The following TMPRSS5 variants were observed in gnomAD, a reference collection of about 807,000 sequenced individuals.
The protein encoded by TMPRSS5 is transmembrane serine protease 5.
TMPRSS5 carries 45 observed loss-of-function variants against 59.7 expected under a neutral mutation model. The ratio of observed to expected loss-of-function variants is 0.75; its 90% CI spans 0.59 to 0.97. The LOEUF (loss-of-function observed/expected upper bound fraction) is 0.97, where lower values mean the gene tolerates loss of function less well. Ranked by LOEUF, TMPRSS5 falls within the 50% of genes least tolerant of loss-of-function variation. The pLI is 0.00. For synonymous variants in TMPRSS5, 225 were observed against 232.0 expected (o/e 0.97, Z 0.27); for missense variants, 585 against 596.7 (o/e 0.98, Z 0.20).
At chr11:113,689,623 T>A (rs1388682132) in intron 12 of TMPRSS5, 142 bp downstream of exon 12, 2 of 815,624 alleles carry the variant, frequency 2.5e-6, no homozygotes, top group Non-Finnish European at 3.6e-6. Context: ...AAGCTTCACT[T>A]CTTCCTCCAC....
In TMPRSS5 at chr11:113,690,304, C is replaced by G; in HGVS notation, c.1133G>C (p.Cys378Ser). Reference protein sequence around the residue: ...LFSTQLCNSSCVYSGALTPRM... With the variant: ...LFSTQLCNSSSVYSGALTPRM... ...GGGGGTGAGGGCTCCGCTGTACACG[C>G]AAGAGCTGTTGCAGAGCTGAGTGCT... The change falls in exon 11 of 13, where the codon TGC becomes TCC. Residue 378 changes from cysteine (C) to serine (S), a missense_variant. Cys to Ser is a moderately radical substitution (Grantham distance 112, BLOSUM62 -1). Coordinates refer to ENST00000299882, the MANE Select transcript of TMPRSS5 (RefSeq NM_030770.4). 1 of 1,595,630 alleles carries G rather than the reference C, an allele frequency of 6.3e-7. No homozygotes were observed. Among genetic ancestry groups the G allele is most frequent in the African/African-American group, 1.3e-5 (1 of 74,570 alleles).
chr11:113,687,966 C>T lies in TMPRSS5; in HGVS notation c.*294G>A. 1 of 362,912 alleles carries T rather than the reference C, an allele frequency of 2.8e-6. No individual in the cohort carries two copies. Among genetic ancestry groups the T allele is most frequent in the Non-Finnish European group, 4.9e-6 (1 of 205,674 alleles). The allele number at this position is 362,912 out of a possible 1,614,324, so 22.5% of individuals were successfully genotyped here. On this transcript the variant is annotated 3_prime_UTR_variant, in exon 13 of 13. Coordinates refer to ENST00000299882, the MANE Select transcript of TMPRSS5 (RefSeq NM_030770.4). ...GCAGCCTCTTCATCTCCAGCTCCTACCTCTCTCCTCCCCCTCATCCCTCAG... is the reference window on the plus strand; with the variant it reads ...GCAGCCTCTTCATCTCCAGCTCCTATCTCTCTCCTCCCCCTCATCCCTCAG...
chr11:113,689,720 G>A lies in TMPRSS5; in HGVS notation c.1359+45C>T. ...GTAAGGTTCCTTGCATTCGAGGGCA[G>A]GTCCTTTAGAAATCTCCCTGCCCTA... On this transcript the variant is annotated intron_variant, in intron 12 of 12. Transcript: ENST00000299882. 3.2e-6 allele frequency: 5 copies of A among 1,580,940 alleles called. No homozygotes were observed. The African/African-American group carries it at 6.7e-5, about 21-fold the overall frequency.
Position 113,691,892 on chromosome 11 carries a change from C to CTTTTTTTTTTTTTTTTTTTTTTTTT in TMPRSS5, c.965-954_965-953insAAAAAAAAAAAAAAAAAAAAAAAAA, listed in dbSNP as rs58784708. ...AGAAAGTTTTCTTTTCCTTTTTTTTCTTTTTTTTTTTTTGAGACGGAGTCT... is the reference window on the plus strand; with the variant it reads ...AGAAAGTTTTCTTTTCCTTTTTTTTCTTTTTTTTTTTTTTTTTTTTTTTTTTTTTTTTTTTTTTGAGACGGAGTCT... On this transcript the variant is annotated intron_variant, in intron 9 of 12. Coordinates refer to ENST00000299882, the MANE Select transcript of TMPRSS5 (RefSeq NM_030770.4). 1.5e-4 allele frequency among the ~76,000 whole-genome samples: 18 copies of CTTTTTTTTTTTTTTTTTTTTTTTTT among 121,110 alleles called. 2 individuals carry two copies. The highest frequency in any genetic ancestry group is 5.0e-4 in the South Asian group (2 of 4,006). The allele number at this position is 121,110 out of a possible 152,430, so 79.5% of individuals were successfully genotyped here. A position where few individuals can be genotyped will look rare whatever the true frequency, so the allele number is the denominator to read the frequency against.
chr11:113,696,049 A>G (rs1231219914), intron 6 of TMPRSS5, among the ~76,000 whole-genome samples: 1 of 152,028 alleles, frequency 6.6e-6, no homozygotes, highest in Non-Finnish European at 1.5e-5. Context: ...TCCCAAATCC[A>G]TAGCCCTCCC....
intron 4 of TMPRSS5, among the ~76,000 whole-genome samples, chr11:113,697,981 A>C (rs1295427420): frequency 2.0e-5 from 3 of 152,196 alleles, no homozygotes; most frequent in African/African-American, 7.2e-5. Context: ...ATTAAGGTTA[A>C]ATGAGGTCAC....
rs200657606 is a variant in TMPRSS5, at chr11:113,690,293, C to T, written c.1144G>A (p.Gly382Arg). ...CAAAGCATGCGGGGGGTGAGGGCTC[C>T]GCTGTACACGCAAGAGCTGTTGCAG... ...QLCNSSCVYS[G>R]ALTPRMLCAG... Residue 382 changes from glycine (G) to arginine (R), a missense_variant, in exon 11 of 13, where the codon GGA becomes AGA. Coordinates refer to ENST00000299882, the MANE Select transcript of TMPRSS5 (RefSeq NM_030770.4). The T allele has an allele frequency of 4.5e-5, 72 of 1,582,748 alleles. No homozygotes were observed. In the East Asian group the frequency reaches 5.1e-4, roughly 11 times the overall value.
At chr11:113,698,779 AC>A in intron 4 of TMPRSS5, 125 bp downstream of exon 4, 5 of 1,128,774 alleles carry the variant, frequency 4.4e-6, no homozygotes, top group Non-Finnish European at 6.4e-6. Flanking sequence ...CTGCCCTCAC[AC>A]TAGAGGAGGG....
intron 4 of TMPRSS5, among the ~76,000 whole-genome samples, chr11:113,697,809 A>T (rs1952972080): frequency 6.6e-6 from 1 of 152,090 alleles, no homozygotes; most frequent in Non-Finnish European, 1.5e-5. Flanking sequence ...CTGATTTCAA[A>T]TCTTGTGATA....
In TMPRSS5 at chr11:113,696,827, C is replaced by G. The variant is rs139812291; in HGVS notation, c.578+31G>C. 8.2e-6 allele frequency: 12 copies of G among 1,467,888 alleles called. No homozygotes were observed. The East Asian group carries it at 2.7e-4, about 33-fold the overall frequency. The allele number at this position is 1,467,888 out of a possible 1,614,324, so 90.9% of individuals were successfully genotyped here. On this transcript the variant is annotated intron_variant, in intron 6 of 12. Transcript: ENST00000299882. ...GATTGACCACCAGGAAGTAAGGGAC[C>G]CCACTCACCTAACAGCCTCAGTAGT... is the stretch of plus-strand genomic sequence containing the variant.
chr11:113,699,272 C>CCT (rs550946661), intron 3 of TMPRSS5, among the ~76,000 whole-genome samples: 2,814 of 23,916 alleles, frequency 0.12, 614 homozygotes, highest in South Asian at 0.22. Flanking sequence ...TCTCTCTCTC[C>CCT]CTCTCTCTCT....
At position 113,693,148 on chromosome 11, in the gene TMPRSS5, G is replaced by A. The variant is rs376812996; in HGVS notation, c.887C>T (p.Pro296Leu). The A allele has an allele frequency of 1.5e-4, 243 of 1,600,072 alleles. 1 individual carries two copies. The highest frequency in any genetic ancestry group is 2.0e-4 in the Non-Finnish European group (234 of 1,173,666). ...HQGALVERII[P>L]HPLYSAQNHD... ...ATTCTGGGCACTGTAGAGGGGGTGT[G>A]GGATAATCCTCTCCACCAGAGCCCC... Residue 296 changes from proline (P) to leucine (L), a missense_variant, in exon 9 of 13, where the codon CCA becomes CTA. Pro to Leu is a moderately conservative substitution (Grantham distance 98). Coordinates refer to ENST00000299882, the MANE Select transcript of TMPRSS5 (RefSeq NM_030770.4).
chr11:113,697,334 C>G lies in TMPRSS5; in HGVS notation c.413G>C (p.Gly138Ala). The G allele has an allele frequency of 6.2e-7, 1 of 1,613,766 alleles. No individual in the cohort carries two copies. The highest frequency in any genetic ancestry group is 8.5e-7 in the Non-Finnish European group (1 of 1,179,664). Residue 138 changes from glycine to alanine, a missense_variant, in exon 5 of 13, where the codon GGC becomes GCC. Gly to Ala is a moderately conservative substitution (Grantham distance 60, BLOSUM62 0). Transcript: ENST00000299882. The part of the protein sequence containing the change: ...QPRWLLVCHE[G>A]WSPALGLQIC... ...CTGCAGCCCCAGGGCGGGGCTCCAG[C>G]CCTCATGGCAGACCAGGAGCCAGCG...
chr11:113,706,145 A>G, intron 1 of TMPRSS5, 77 bp downstream of exon 1: 1 of 1,536,884 alleles, frequency 6.5e-7, no homozygotes, highest in East Asian at 2.4e-5. Flanking sequence ...CCAGCCTAGA[A>G]TCCCAAGGGC....
At chr11:113,692,398 G>T (rs1235303155) in intron 9 of TMPRSS5, among the ~76,000 whole-genome samples, 1 of 152,198 alleles carries the variant, frequency 6.6e-6, no homozygotes, top group Non-Finnish European at 1.5e-5. Flanking sequence ...ACGTACATGT[G>T]AGCATGTGTG....
Position 113,697,399 on chromosome 11 carries a change from G to T in TMPRSS5, c.348C>A (p.Ser116Arg). 1.2e-6 allele frequency: 2 copies of T among 1,613,782 alleles called. No homozygotes were observed. Among genetic ancestry groups the T allele is most frequent in the South Asian group, 1.1e-5 (1 of 91,074 alleles). Residue 116 changes from serine (S) to arginine (R), a missense_variant, in exon 5 of 13, where the codon AGC becomes AGA. Transcript: ENST00000299882. ...LPKTVSFRIN[S>R]EDFLLEAQVR... Reference sequence around the variant, plus strand: ...CTTGCGCTTCCAGCAAGAAGTCTTCGCTGTTTATTCTGAAAGATACTGAAA... The same window carrying T: ...CTTGCGCTTCCAGCAAGAAGTCTTCTCTGTTTATTCTGAAAGATACTGAAA...
intron 1 of TMPRSS5, among the ~76,000 whole-genome samples, chr11:113,702,354 G>A (rs1565267108): frequency 6.6e-6 from 1 of 152,208 alleles, no homozygotes; most frequent in Non-Finnish European, 1.5e-5. Context: ...AGATCACACT[G>A]TCATGAGATC....
At chr11:113,693,486 T>G (rs1952843318) in intron 8 of TMPRSS5, 2 of 385,224 alleles carry the variant, frequency 5.2e-6, no homozygotes, top group South Asian at 1.6e-4. Flanking sequence ...GAGAAGACTA[T>G]GGGTCATCTG....
chr11:113,699,602 C>A lies in TMPRSS5; in HGVS notation c.198G>T (p.Trp66Cys). The change falls in exon 3 of 13, where the codon TGG becomes TGT. Residue 66 changes from tryptophan (W) to cysteine (C), a missense_variant. By Grantham distance (215) the Trp-to-Cys change is radical (BLOSUM62 -2). Coordinates refer to ENST00000299882, the MANE Select transcript of TMPRSS5 (RefSeq NM_030770.4). ...AAGGCCCCCAGCACTGACCTAGGAG[C>A]CATGAGCCAACACCTGCACCGGCCA... ...GLLAGAGVGS[W>C]LLVLYLCPAA... The A allele has an allele frequency of 1.3e-6, 2 of 1,574,990 alleles. No individual in the cohort carries two copies. Among genetic ancestry groups the A allele is most frequent in the Non-Finnish European group, 1.7e-6 (2 of 1,160,784 alleles).
Sources: gnomAD v4.1 joint callset for allele counts (sites outside exome capture counted in the v4.1 genomes callset) on GRCh38, gnomAD v4.1.1 for gene constraint, MANE v1.5 for transcripts, NCBI Gene and HGNC (gene_info 2026-07-23, HGNC 2026-07-21) for gene names.